Variants in SEMA3F observed in about 807,000 individuals in gnomAD.
SEMA3F encodes semaphorin-3F.
In SEMA3F, 30 loss-of-function variants were observed where a neutral mutation model predicts 98.5. That is an observed-to-expected ratio of 0.30 (90% confidence interval 0.23 to 0.41). SEMA3F has a LOEUF of 0.41. Ranked by LOEUF, SEMA3F falls within the 10% of genes least tolerant of loss-of-function variation. The probability of loss-of-function intolerance (pLI) is 1.00; values close to 1 mark genes in which losing one functional copy is unlikely to be tolerated. For synonymous variants in SEMA3F, 380 were observed against 444.8 expected (o/e 0.85, Z 1.83); for missense variants, 866 against 1,119.3 (o/e 0.77, Z 3.23).
intron 2 of SEMA3F, among the ~76,000 whole-genome samples, chr3:50,168,551 G>GC (rs909200747): frequency 7.2e-5 from 11 of 152,072 alleles, no homozygotes; most frequent in Non-Finnish European, 1.2e-4. Flanking sequence ...GGGCCTCCCT[G>GC]CCCCCCCGCT....
intron 16 of SEMA3F, 76 bp from the exon 17 acceptor site, chr3:50,186,205 C>A: frequency 5.9e-6 from 9 of 1,525,042 alleles, no homozygotes; most frequent in Non-Finnish European, 7.2e-6. Context: ...GGGCCCTGCC[C>A]TGGAGTCAGG....
At position 50,183,561 on chromosome 3, in the gene SEMA3F, C is replaced by T. The variant is rs748721305; in HGVS notation, c.1230C>T (p.Gly410=). ...FSGKMPYPRP[G]TCPGGTFTPS... ...GGAAGATGCCCTACCCACGGCCGGG[C>T]ACGGTAAGGACCCCACTCATCCTGC... is the stretch of plus-strand genomic sequence containing the variant. Residue 410 remains glycine, a synonymous_variant, in exon 12 of 19, where the codon GGC becomes GGT. Coordinates refer to ENST00000002829, the MANE Select transcript of SEMA3F (RefSeq NM_004186.5). The T allele has an allele frequency of 2.0e-5, 32 of 1,613,638 alleles. No individual in the cohort carries two copies. Among genetic ancestry groups the T allele is most frequent in the Non-Finnish European group, 2.7e-5 (32 of 1,179,894 alleles).
chr3:50,159,795 C>T (rs1698136727), intron 2 of SEMA3F, 61 bp downstream of exon 2: 2 of 1,119,470 alleles, frequency 1.8e-6, no homozygotes, highest in Admixed American at 3.6e-5. Context: ...CGCTCGGCTC[C>T]TCTGCACACG....
rs1474981400 is a variant in SEMA3F, at chr3:50,186,540, G to A, written c.1814-73G>A. ...TACATTGGTGAGTGGGTGCCCCTCG[G>A]TGCCTGCCCCGAAGCAGTCAGCAGG... is the stretch of plus-strand genomic sequence containing the variant. On this transcript the variant is annotated intron_variant, in intron 17 of 18. Coordinates refer to ENST00000002829, the MANE Select transcript of SEMA3F (RefSeq NM_004186.5). 3.2e-6 allele frequency: 5 copies of A among 1,543,264 alleles called. No homozygotes were observed. The African/African-American group carries it at 5.4e-5, about 17-fold the overall frequency.
chr3:50,162,918 A>G (rs1168828310), intron 2 of SEMA3F, among the ~76,000 whole-genome samples: 1 of 152,200 alleles, frequency 6.6e-6, no homozygotes, highest in Non-Finnish European at 1.5e-5. Context: ...TCGAAATAGT[A>G]GTAGGAGCCC....
At position 50,158,165 on chromosome 3, in the gene SEMA3F, G is replaced by A. The variant is rs1008913998; in HGVS notation, c.-48-1410G>A. 4.6e-5 allele frequency among the ~76,000 whole-genome samples: 7 copies of A among 152,248 alleles called. No individual in the cohort carries two copies. Among genetic ancestry groups the A allele is most frequent in the African/African-American group, 1.7e-4 (7 of 41,460 alleles). ...CTTCTCAGAGCCTGCCATTCAGTCA[G>A]CACTAGCTTTGTGCCTCCCAGACCT... On this transcript the variant is annotated intron_variant, in intron 1 of 18. Transcript: ENST00000002829. The surrounding 1 kb of genome is among the most constrained non-coding windows in gnomAD (Gnocchi z 4.8).
chr3:50,188,622 G>C lies in SEMA3F; in HGVS notation c.*507G>C, dbSNP rs1699331367. ...TCACAGGATGCCAGCCCCTGCCTGG[G>C]TTGGGGGCACTCAGCCACGACCAGC... On this transcript the variant is annotated 3_prime_UTR_variant, in exon 19 of 19. Transcript: ENST00000002829. The surrounding 1 kb of genome is among the most constrained non-coding windows in gnomAD (Gnocchi z 4.5). 6.5e-6 allele frequency: 1 copy of C among 152,680 alleles called. No individual in the cohort carries two copies. Among genetic ancestry groups the C allele is most frequent in the African/African-American group, 2.4e-5 (1 of 41,460 alleles). The allele number at this position is 152,680 out of a possible 1,614,324, so 9.5% of individuals were successfully genotyped here. A position where few individuals can be genotyped will look rare whatever the true frequency, so the allele number is the denominator to read the frequency against.
At chr3:50,186,092 C>T in intron 16 of SEMA3F, 46 bp downstream of exon 16, 1 of 1,572,494 alleles carries the variant, frequency 6.4e-7, no homozygotes, top group Non-Finnish European at 8.7e-7. Flanking sequence ...AGTCCCAGGG[C>T]CCTATCCTAG....
chr3:50,172,610 A>G (rs1391639626), intron 2 of SEMA3F, among the ~76,000 whole-genome samples: 2 of 152,158 alleles, frequency 1.3e-5, no homozygotes, highest in Non-Finnish European at 2.9e-5. Flanking sequence ...CTCCAGGGAG[A>G]GAGCCTCTTT....
chr3:50,163,087 G>C (rs1179739025), intron 2 of SEMA3F, among the ~76,000 whole-genome samples: 1 of 152,194 alleles, frequency 6.6e-6, no homozygotes, highest in Non-Finnish European at 1.5e-5. Flanking sequence ...GGCTGTCCCA[G>C]GACTGAGAGT....
intron 2 of SEMA3F, among the ~76,000 whole-genome samples, chr3:50,160,481 A>C (rs552229592): frequency 7.2e-5 from 11 of 152,320 alleles, no homozygotes; most frequent in African/African-American, 2.6e-4. Flanking sequence ...CACGGTACAC[A>C]CATGGGTGTA....
chr3:50,163,740 G>A (rs1698303535), intron 2 of SEMA3F, among the ~76,000 whole-genome samples: 1 of 152,192 alleles, frequency 6.6e-6, no homozygotes, highest in Non-Finnish European at 1.5e-5. Flanking sequence ...AGGGGGAGGA[G>A]GCCCAGGAGC....
At chr3:50,163,552 T>C (rs1698294172) in intron 2 of SEMA3F, among the ~76,000 whole-genome samples, 2 of 152,252 alleles carry the variant, frequency 1.3e-5, no homozygotes. Context: ...TCACAGCCCG[T>C]TGACTTCCCC....
intron 17 of SEMA3F, 110 bp downstream of exon 17, chr3:50,186,458 G>A: frequency 7.1e-7 from 1 of 1,411,574 alleles, no homozygotes; most frequent in Non-Finnish European, 9.9e-7. Context: ...ATGGCTAATG[G>A]AGGGTGGGGG....
rs1699300772 is a variant in SEMA3F at position 50,188,057 on chromosome 3, C to T, written c.2300C>T (p.Pro767Leu). The change falls in exon 19 of 19, where the codon CCT becomes CTT. Residue 767 changes from proline to leucine, a missense_variant. Coordinates refer to ENST00000002829, the MANE Select transcript of SEMA3F (RefSeq NM_004186.5). The surrounding 1 kb of genome is among the most constrained non-coding windows in gnomAD (Gnocchi z 4.5). The part of the protein sequence containing the change: ...PREAPGAPRS[P>L]EPQDQKKPRN... ...GAGGCTCCAGGGGCACCCCGGTCTC[C>T]TGAGCCCCAGGACCAGAAAAAGCCC... The T allele has an allele frequency of 6.3e-7, 1 of 1,583,122 alleles. No homozygotes were observed.
intron 18 of SEMA3F, among the ~76,000 whole-genome samples, chr3:50,187,118 T>C (rs1385220910): frequency 6.6e-6 from 1 of 152,156 alleles, no homozygotes; most frequent in Non-Finnish European, 1.5e-5. Context: ...TTATCCCAAT[T>C]GGATATTCTC....
chr3:50,174,002 G>T, intron 3 of SEMA3F, 49 bp downstream of exon 3: 3 of 1,613,966 alleles, frequency 1.9e-6, no homozygotes, highest in Non-Finnish European at 2.5e-6. Context: ...GGAGCCCCAG[G>T]GCTCAGGGCA....
intron 18 of SEMA3F, among the ~76,000 whole-genome samples, chr3:50,187,063 A>G (rs1699247084): frequency 6.6e-6 from 1 of 152,196 alleles, no homozygotes; most frequent in African/African-American, 2.4e-5. Flanking sequence ...TCATTTTATG[A>G]AAATGCCCTA....
upstream of SEMA3F, chr3:50,155,296 C>A: frequency 3.2e-6 from 1 of 315,770 alleles, no homozygotes; most frequent in South Asian, 1.4e-4. This position sits in a 1 kb window ranked among gnomAD's most constrained non-coding sequence, Gnocchi z 4.9. Flanking sequence ...AGGGGGCGCC[C>A]GCAGCCCACC....
Sources: gnomAD v4.1 joint callset for allele counts (sites outside exome capture counted in the v4.1 genomes callset) on GRCh38, gnomAD v4.1.1 for gene constraint, Gnocchi (gnomAD v3.1) non-coding constraint, MANE v1.5 for transcripts, NCBI Gene and HGNC (gene_info 2026-07-23, HGNC 2026-07-21) for gene names.